FAM53A: variants seen among roughly 807,000 people sequenced by gnomAD.
FAM53A encodes family with sequence similarity 53 member A.
In FAM53A, 28 loss-of-function variants were observed where a neutral mutation model predicts 26.6. The ratio of observed to expected loss-of-function variants is 1.05; its 90% CI spans 0.78 to 1.45. The LOEUF (loss-of-function observed/expected upper bound fraction) is 1.45. Ranked by LOEUF, FAM53A falls within the 40% of genes most tolerant of loss-of-function variation. The pLI is 0.00. For synonymous variants in FAM53A, 290 were observed against 253.1 expected (o/e 1.15, Z -1.38); for missense variants, 650 against 575.8 (o/e 1.13, Z -1.32).
chr4:1,655,219 C>A lies in FAM53A; in HGVS notation c.641G>T (p.Cys214Phe). The part of the protein sequence containing the change: ...SGPLWCSAES[C>F]LPSTRRRPSL... Reference sequence around the variant, plus strand: ...CGGGCGGCGCCTCGTGGAGGGCAAGCAGGACTCCGCGGAACACCAGAGCGG... The same window carrying A: ...CGGGCGGCGCCTCGTGGAGGGCAAGAAGGACTCCGCGGAACACCAGAGCGG... The change falls in exon 4 of 5, where the codon TGC becomes TTC. Residue 214 changes from cysteine to phenylalanine, a missense_variant. By Grantham distance (205) the Cys-to-Phe change is radical. Coordinates refer to ENST00000308132, the MANE Select transcript of FAM53A (RefSeq NM_001174070.3). 1 of 1,547,922 alleles carries A rather than the reference C, an allele frequency of 6.5e-7. No homozygotes were observed. Among genetic ancestry groups the A allele is most frequent in the Non-Finnish European group, 8.6e-7 (1 of 1,156,744 alleles).
At chr4:1,586,625 T>C in the FAM53A span, among the ~76,000 whole-genome samples, 1 of 151,260 alleles carries the variant, frequency 6.6e-6, no homozygotes, top group African/African-American at 2.4e-5. Flanking sequence ...AAAATATATA[T>C]ATAAAAAATT....
chr4:1,601,231 G>A, the FAM53A span, among the ~76,000 whole-genome samples: 2 of 115,888 alleles, frequency 1.7e-5, no homozygotes, highest in African/African-American at 5.5e-5. Context: ...GCCGCAACAG[G>A]TCGGACACCC....
chr4:1,641,685 G>T, intron 4 of FAM53A, 78 bp from the exon 5 acceptor site: 1 of 1,466,158 alleles, frequency 6.8e-7, no homozygotes, highest in South Asian at 1.1e-5. Flanking sequence ...CCCATCGAGG[G>T]CTCGGTGTGC....
downstream of FAM53A, among the ~76,000 whole-genome samples, chr4:1,639,090 C>T (rs1339139979): frequency 6.6e-6 from 1 of 152,172 alleles, no homozygotes; most frequent in African/African-American, 2.4e-5. Context: ...GCAGAGGGCC[C>T]TGTGGGACCC....
In FAM53A at chr4:1,640,785, G is replaced by C. The variant is rs1210229102; in HGVS notation, c.*508C>G. ...AGGTGCCGGTGGCAGCCATGGCCCC[G>C]ACCAGCTCACAGGAAACCTACTCTG... On this transcript the variant is annotated 3_prime_UTR_variant, in exon 5 of 5. Coordinates refer to ENST00000308132, the MANE Select transcript of FAM53A (RefSeq NM_001174070.3). The C allele has an allele frequency of 1.6e-5, 6 of 384,532 alleles. No individual in the cohort carries two copies. The highest frequency in any genetic ancestry group is 2.4e-5 in the Non-Finnish European group (5 of 204,286). The allele number at this position is 384,532 out of a possible 1,614,324, so 23.8% of individuals were successfully genotyped here. A position where few individuals can be genotyped will look rare whatever the true frequency, so the allele number is the denominator to read the frequency against.
intron 1 of FAM53A, among the ~76,000 whole-genome samples, chr4:1,679,065 T>C (rs889929561): frequency 6.6e-6 from 1 of 152,178 alleles, no homozygotes; most frequent in Non-Finnish European, 1.5e-5. Context: ...CAAAAGACAC[T>C]GTCAAGAGAA....
chr4:1,623,435 T>C (rs1170244047), intron 1 of FAM53A, among the ~76,000 whole-genome samples: 3 of 151,794 alleles, frequency 2.0e-5, no homozygotes, highest in African/African-American at 7.3e-5. Context: ...TTGGCCACGG[T>C]CTCAGGCCAC....
rs565636540 is a variant in FAM53A, at chr4:1,650,352, G to A, written c.882+4626C>T. On this transcript the variant is annotated intron_variant, in intron 4 of 4. Coordinates refer to ENST00000308132, the MANE Select transcript of FAM53A (RefSeq NM_001174070.3). The stretch of plus-strand genomic sequence containing the variant: ...TTGACTGTGAGGTGGCACAGGCGTG[G>A]TGTTTGACTGTGAGGTGGCACAGGT... 9.2e-4 allele frequency among the ~76,000 whole-genome samples: 122 copies of A among 133,034 alleles called. No homozygotes were observed. In the South Asian group the frequency reaches 0.028, roughly 31 times the overall value. The allele number at this position is 133,034 out of a possible 152,430, so 87.3% of individuals were successfully genotyped here.
the FAM53A span, among the ~76,000 whole-genome samples, chr4:1,582,481 C>T: frequency 1.3e-5 from 2 of 152,248 alleles, no homozygotes; most frequent in East Asian, 3.8e-4. Flanking sequence ...AGGCCCTGCA[C>T]CCTGCACCCA....
upstream of FAM53A, among the ~76,000 whole-genome samples, chr4:1,685,627 C>G (rs1715770813): frequency 6.6e-6 from 1 of 152,104 alleles, no homozygotes; most frequent in Non-Finnish European, 1.5e-5. Flanking sequence ...CAGCTGACAC[C>G]AGGACTGGCT....
chr4:1,662,212 G>A (rs1713885436), intron 2 of FAM53A, among the ~76,000 whole-genome samples: 2 of 152,052 alleles, frequency 1.3e-5, no homozygotes, highest in South Asian at 2.1e-4. Context: ...TGGGCGTGGT[G>A]GCTGTAACCT....
chr4:1,683,424 G>A (rs1715592893), intron 1 of FAM53A: 1 of 152,206 alleles, frequency 6.6e-6, no homozygotes, highest in African/African-American at 2.4e-5. Flanking sequence ...TTCGTTTTAA[G>A]ACTAGTCAAG....
At chr4:1,578,453 T>TTG in the FAM53A span, among the ~76,000 whole-genome samples, 1 of 151,280 alleles carries the variant, frequency 6.6e-6, no homozygotes, top group Non-Finnish European at 1.5e-5. Context: ...GGCGCGAGCG[T>TTG]TGGCGTGAGA....
chr4:1,622,641 G>A, intron 1 of FAM53A, among the ~76,000 whole-genome samples: 1 of 152,262 alleles, frequency 6.6e-6, no homozygotes, highest in East Asian at 1.9e-4. Context: ...GTCTGGCGGG[G>A]GCTGTGAGGG....
At chr4:1,595,579 C>T in the FAM53A span, among the ~76,000 whole-genome samples, 555 of 152,252 alleles carry the variant, frequency 3.6e-3, 7 homozygotes, top group East Asian at 0.035. Flanking sequence ...GTGGCACAGA[C>T]GGCAGACAAA....
the FAM53A span, among the ~76,000 whole-genome samples, chr4:1,583,472 C>T: frequency 6.6e-6 from 1 of 152,214 alleles, no homozygotes; most frequent in Non-Finnish European, 1.5e-5. Context: ...ATCTGTGCTC[C>T]CAGGAGGACA....
chr4:1,606,383 A>G, the FAM53A span, among the ~76,000 whole-genome samples: 1 of 151,864 alleles, frequency 6.6e-6, no homozygotes, highest in African/African-American at 2.4e-5. Context: ...ATTAGACAAA[A>G]GCCACACTCC....
chr4:1,644,452 C>T lies in FAM53A; in HGVS notation c.883-2845G>A, dbSNP rs183406608. 6.7e-5 allele frequency: 93 copies of T among 1,378,842 alleles called. No homozygotes were observed. The African/African-American group carries it at 9.3e-4, about 14-fold the overall frequency. The allele number at this position is 1,378,842 out of a possible 1,614,324, so 85.4% of individuals were successfully genotyped here. A position where few individuals can be genotyped will look rare whatever the true frequency, so the allele number is the denominator to read the frequency against. On this transcript the variant is annotated intron_variant, in intron 4 of 4. Coordinates refer to ENST00000308132, the MANE Select transcript of FAM53A (RefSeq NM_001174070.3). ...AGCTGTACAGCTCAGCGCCCAACAG[C>T]GCTAGCGAAGGCCACACGGAACTGA...
the FAM53A span, among the ~76,000 whole-genome samples, chr4:1,586,769 C>T: frequency 1.1e-4 from 13 of 121,160 alleles, no homozygotes; most frequent in African/African-American, 3.2e-4. Context: ...GGCAACAGAG[C>T]GAGACTCCGT....
Sources: allele counts gnomAD v4.1 joint callset (sites outside exome capture counted in the v4.1 genomes callset), GRCh38; gene constraint gnomAD v4.1.1; transcripts MANE v1.5; gene names NCBI Gene and HGNC (gene_info 2026-07-23, HGNC 2026-07-21).